TNIP2: variants seen among roughly 807,000 people sequenced by gnomAD.
TNIP2 encodes the protein TNFAIP3 interacting protein 2, also known as TNFAIP3-interacting protein 2.
A neutral mutation model predicts 43.7 loss-of-function variants in TNIP2; 30 were observed. The observed-to-expected ratio is 0.69, with a 90% CI of 0.51 to 0.93. TNIP2 has a LOEUF of 0.93. Among genes scored for constraint, TNIP2 ranks in the 40% least tolerant of loss-of-function variants. The pLI is 0.00. For synonymous variants in TNIP2, 260 were observed against 254.6 expected, an observed-to-expected ratio of 1.02 and a Z score of -0.20; for missense variants, 599 against 591.0, an observed-to-expected ratio of 1.01 and a Z score of -0.14.
At chr4:2,745,975 CAG>C (rs1721937779) in intron 2 of TNIP2, 1 of 178,806 alleles carries the variant, frequency 5.6e-6, no homozygotes, top group Admixed American at 5.7e-5. Flanking sequence ...AGAGGATCTC[CAG>C]TGAGGGGGCC....
intron 1 of TNIP2, among the ~76,000 whole-genome samples, chr4:2,748,601 G>A (rs1053987303): frequency 2.6e-5 from 4 of 151,840 alleles, no homozygotes; most frequent in Admixed American, 6.6e-5. Flanking sequence ...CTCGGCATCC[G>A]CCCACCTCAG....
intron 1 of TNIP2, among the ~76,000 whole-genome samples, chr4:2,754,356 A>T (rs1438608813): frequency 1.3e-5 from 2 of 152,280 alleles, no homozygotes; most frequent in Non-Finnish European, 2.9e-5. Context: ...ATAGTTTATC[A>T]TCAAAAAACA....
chr4:2,751,985 G>C (rs1221054596), intron 1 of TNIP2, among the ~76,000 whole-genome samples: 2 of 151,412 alleles, frequency 1.3e-5, no homozygotes, highest in East Asian at 3.9e-4. Flanking sequence ...GGCGCCTGTA[G>C]TCCCAGCTAC....
chr4:2,748,043 C>T (rs1722000837), intron 1 of TNIP2, 98 bp from the exon 2 acceptor site: 5 of 1,259,084 alleles, frequency 4.0e-6, no homozygotes, highest in South Asian at 2.8e-5. Context: ...GTGGATGCCC[C>T]ATCACCAGAC....
rs1277169943 is a variant in TNIP2 at position 2,747,920 on chromosome 4, A to G, written c.302T>C (p.Leu101Pro). 1.9e-6 allele frequency: 3 copies of G among 1,612,656 alleles called. No homozygotes were observed. The highest frequency in any genetic ancestry group is 2.5e-6 in the Non-Finnish European group (3 of 1,179,728). ...CTGCATCTCCCTCTCTTTTTCTTCT[A>G]GTCGCTCAGTCAGCCTCTCAATTTC... ...RQEIERLTER[L>P]EEKEREMQQL... Residue 101 changes from leucine to proline, a missense_variant, in exon 2 of 6, where the codon CTA becomes CCA. Physicochemically the swap from Leu to Pro is moderately conservative, Grantham distance 98. Transcript: ENST00000315423.
At chr4:2,755,940 C>T (rs1708989) in intron 1 of TNIP2, 74 bp downstream of exon 1, 1 of 1,437,882 alleles carries the variant, frequency 7.0e-7, no homozygotes, top group Non-Finnish European at 9.1e-7. Flanking sequence ...GGCCCGCTCG[C>T]TCACCCACCC....
intron 5 of TNIP2, among the ~76,000 whole-genome samples, chr4:2,743,214 G>A (rs1398327296): frequency 7.2e-5 from 11 of 152,132 alleles, no homozygotes; most frequent in Non-Finnish European, 1.6e-4. Flanking sequence ...TCTAGGGACT[G>A]AGCAACCCTC....
rs1438701193 is a variant in TNIP2, at chr4:2,747,758, C to T, written c.464G>A (p.Arg155Gln). 50 of 1,610,504 alleles carry T rather than the reference C, an allele frequency of 3.1e-5. No homozygotes were observed. The highest frequency in any genetic ancestry group is 2.9e-4 in the East Asian group (13 of 44,896). Reference protein sequence around the residue: ...RSLANETHQLRRTLTATAHMC... With the variant: ...RSLANETHQLQRTLTATAHMC... ...GTGGGCGGTGGCGGTCAGCGTCCTCCGCAGCTGATGGGTCTCGTTGGCCAA... is the reference window on the plus strand; with the variant it reads ...GTGGGCGGTGGCGGTCAGCGTCCTCTGCAGCTGATGGGTCTCGTTGGCCAA... The change falls in exon 2 of 6, where the codon CGG becomes CAG. Residue 155 changes from arginine (R) to glutamine (Q), a missense_variant. By Grantham distance (43) the Arg-to-Gln change is conservative. Coordinates refer to ENST00000315423, the MANE Select transcript of TNIP2 (RefSeq NM_024309.4).
chr4:2,746,718 C>T (rs796401068), intron 2 of TNIP2, among the ~76,000 whole-genome samples: 32 of 152,356 alleles, frequency 2.1e-4, no homozygotes, highest in African/African-American at 7.7e-4. Flanking sequence ...CTAGAAAGGA[C>T]CCGAGCGAGA....
Position 2,744,299 on chromosome 4 carries a change from T to G in TNIP2, c.1026+88A>C. The G allele has an allele frequency of 6.4e-7, 1 of 1,551,258 alleles. No individual in the cohort carries two copies. Among genetic ancestry groups the G allele is most frequent in the Non-Finnish European group, 8.8e-7 (1 of 1,136,312 alleles). On this transcript the variant is annotated intron_variant, in intron 5 of 5. Transcript: ENST00000315423. The surrounding 1 kb of genome is among the most constrained non-coding windows in gnomAD (Gnocchi z 5.1). ...CCCTCATCACCAGCAAATCAGGGCC[T>G]TGGCAGACACAGAAAGGCTCTAATC...
intron 1 of TNIP2, 82 bp downstream of exon 1, chr4:2,755,932 C>G (rs897489700): frequency 4.9e-6 from 7 of 1,418,446 alleles, no homozygotes; most frequent in Non-Finnish European, 6.4e-6. Flanking sequence ...GGACCCGGGG[C>G]CCGCTCGCTC....
rs1252165598 is a variant in TNIP2 at position 2,755,859 on chromosome 4, C to T, written c.276+155G>A. 25 of 1,122,260 alleles carry T rather than the reference C, an allele frequency of 2.2e-5. No individual in the cohort carries two copies. In the East Asian group the frequency reaches 7.5e-4, roughly 34 times the overall value. 69.5% of individuals were successfully genotyped at this position (1,122,260 alleles called of 1,614,324 possible). A position where few individuals can be genotyped will look rare whatever the true frequency, so the allele number is the denominator to read the frequency against. On this transcript the variant is annotated intron_variant, in intron 1 of 5. Coordinates refer to ENST00000315423, the MANE Select transcript of TNIP2 (RefSeq NM_024309.4). ...CCTCAACTCCCAGGACCTGGTGCTC[C>T]CCCAACCCCTCAGGACCCGAGGCCA...
Position 2,753,850 on chromosome 4 carries a change from G to A in TNIP2, c.276+2164C>T, listed in dbSNP as rs143657805. 9.2e-5 allele frequency among the ~76,000 whole-genome samples: 14 copies of A among 152,342 alleles called. No individual in the cohort carries two copies. In the East Asian group the frequency reaches 2.5e-3, roughly 27 times the overall value. ...AGGATGTACCTTCCAGAAAGAGGGA[G>A]AGAGTGGAGTAGGGGAGACACTGGC... On this transcript the variant is annotated intron_variant, in intron 1 of 5. Transcript: ENST00000315423.
Position 2,744,752 on chromosome 4 carries a change from G to A in TNIP2, c.851C>T (p.Ala284Val). The A allele has an allele frequency of 6.2e-7, 1 of 1,608,904 alleles. No individual in the cohort carries two copies. The highest frequency in any genetic ancestry group is 8.5e-7 in the Non-Finnish European group (1 of 1,180,018). ...CGCAGCATCCCGGGCCGTCCTGGAG[G>A]CCGCCAGCTCCTGCTTCACTTCGGC... Reference protein sequence around the residue: ...DCAEVKQELAASRTARDAALE... With the variant: ...DCAEVKQELAVSRTARDAALE... The change falls in exon 4 of 6, where the codon GCC becomes GTC. Residue 284 changes from alanine to valine, a missense_variant. Ala to Val is a moderately conservative substitution (Grantham distance 64). Transcript: ENST00000315423. This position sits in a 1 kb window ranked among gnomAD's most constrained non-coding sequence, Gnocchi z 5.1.
intron 1 of TNIP2, among the ~76,000 whole-genome samples, chr4:2,751,448 G>A (rs1333894399): frequency 4.6e-5 from 7 of 152,186 alleles, no homozygotes; most frequent in Non-Finnish European, 5.9e-5. Flanking sequence ...GGCTTTTAGC[G>A]CTGCGGCAAC....
intron 1 of TNIP2, among the ~76,000 whole-genome samples, chr4:2,754,102 TTTC>T (rs1489998573): frequency 6.6e-6 from 1 of 152,234 alleles, no homozygotes; most frequent in Non-Finnish European, 1.5e-5. Flanking sequence ...TATAATTTTT[TTTC>T]TTTTTTAAAA....
chr4:2,746,006 G>A, intron 2 of TNIP2: 1 of 173,424 alleles, frequency 5.8e-6, no homozygotes, highest in Non-Finnish European at 1.2e-5. Flanking sequence ...CCCAGGGTGG[G>A]CCTGGCCATG....
Position 2,742,653 on chromosome 4 carries a change from C to T in TNIP2, c.1027-133G>A, listed in dbSNP as rs74794660. 4,504 of 950,910 alleles carry T rather than the reference C, an allele frequency of 4.7e-3. 155 individuals carry two copies. The African/African-American group carries it at 0.068, about 14-fold the overall frequency. 58.9% of individuals were successfully genotyped at this position (950,910 alleles called of 1,614,324 possible). A position where few individuals can be genotyped will look rare whatever the true frequency, so the allele number is the denominator to read the frequency against. On this transcript the variant is annotated intron_variant, in intron 5 of 5. Coordinates refer to ENST00000315423, the MANE Select transcript of TNIP2 (RefSeq NM_024309.4). ...CAGCCCCTCACTTTGCTTCCTGCTG[C>T]GCCCCAGAGCCCAGACAAGGGGGCG...
rs758271078 is a variant in TNIP2, at chr4:2,747,799, G to A, written c.423C>T (p.Asp141=). ...CGTTGGCCAAGGAGCGGCACAGGAC[G>A]TCACTGGCGGCCCGGGCGCGCTCCC... ...AEGERARAAS[D]VLCRSLANET... is the part of the protein sequence containing the mutation. The change falls in exon 2 of 6, where the codon GAC becomes GAT. Residue 141 remains aspartate (D), a synonymous_variant. Transcript: ENST00000315423. The A allele has an allele frequency of 1.1e-5, 18 of 1,612,666 alleles. No homozygotes were observed. Among genetic ancestry groups the A allele is most frequent in the Admixed American group, 3.3e-5 (2 of 60,008 alleles).
Sources: allele counts gnomAD v4.1 joint callset (sites outside exome capture counted in the v4.1 genomes callset), GRCh38; gene constraint gnomAD v4.1.1; non-coding constraint Gnocchi (gnomAD v3.1); transcripts MANE v1.5; gene names NCBI Gene and HGNC (gene_info 2026-07-23, HGNC 2026-07-21).